NHSL2: variants seen among roughly 807,000 people sequenced by gnomAD.
The protein encoded by NHSL2 is NHS-like protein 2.
NHSL2 carries 27 observed loss-of-function variants against 53.4 expected under a neutral mutation model. The observed-to-expected ratio is 0.51, with a 90% CI of 0.37 to 0.70. NHSL2 has a LOEUF of 0.70. Ranked by LOEUF, NHSL2 falls within the 30% of genes least tolerant of loss-of-function variation. The pLI, the probability that NHSL2 is intolerant of heterozygous loss-of-function variation, is 0.00. For synonymous variants in NHSL2, 408 were observed against 404.1 expected (o/e 1.01, Z -0.12); for missense variants, 892 against 980.1 (o/e 0.91, Z 1.20).
rs1246450537 is a variant in NHSL2, at chrX:72,151,760, T to TCCACCCTTTC, written c.*8188_*8197dup. Reference sequence around the variant, plus strand: ...CTGTGGTTGGAGACTCCCACCCTTGTCCACCCTTTCCTGCCTCATACTAGT... The same window carrying TCCACCCTTTC: ...CTGTGGTTGGAGACTCCCACCCTTGTCCACCCTTTCCCACCCTTTCCTGCCTCATACTAGT... On this transcript the variant is annotated 3_prime_UTR_variant, in exon 8 of 8. Transcript: ENST00000633930. 35 of 112,201 alleles carry TCCACCCTTTC rather than the reference T, an allele frequency of 3.1e-4. No homozygotes were observed. The highest frequency in any genetic ancestry group is 6.2e-4 in the Non-Finnish European group (33 of 53,229). 9.2% of individuals were successfully genotyped at this position (112,201 alleles called of 1,213,427 possible).
At chrX:72,098,598 A>G (rs2147457240) in intron 1 of NHSL2, among the ~76,000 whole-genome samples, 1 of 109,079 alleles carries the variant, frequency 9.2e-6, no homozygotes, top group Non-Finnish European at 1.9e-5. Flanking sequence ...AAAAAAAAAG[A>G]AAGAGAGAAG....
At chrX:72,086,683 C>CAAAAAAAAAAAAA (rs34481140) in intron 1 of NHSL2, among the ~76,000 whole-genome samples, 1 of 22,484 alleles carries the variant, frequency 4.4e-5, no homozygotes, top group Non-Finnish European at 7.8e-5. Context: ...AACTCCATCT[C>CAAAAAAAAAAAAA]AAAAAAAAAA....
intron 1 of NHSL2, among the ~76,000 whole-genome samples, chrX:72,061,444 G>A (rs2042398724): frequency 1.8e-5 from 2 of 111,670 alleles, no homozygotes; most frequent in Non-Finnish European, 3.8e-5. Context: ...GCCTTCATGG[G>A]TATGATGGTG....
intron 1 of NHSL2, among the ~76,000 whole-genome samples, chrX:72,000,528 G>C (rs1346905290): frequency 8.9e-6 from 1 of 112,264 alleles, no homozygotes; most frequent in Non-Finnish European, 1.9e-5. Flanking sequence ...AGACGTCTGA[G>C]ATTGGTCTCA....
intron 1 of NHSL2, among the ~76,000 whole-genome samples, chrX:72,047,766 C>G (rs2042313049): frequency 9.0e-6 from 1 of 111,577 alleles, no homozygotes; most frequent in African/African-American, 3.3e-5. Context: ...GCTCCTAGGG[C>G]TAGCAGCCTT....
intron 5 of NHSL2, 87 bp from the exon 6 acceptor site, chrX:72,138,353 CT>C (rs1337616103): frequency 1.3e-6 from 1 of 757,417 alleles, no homozygotes; most frequent in African/African-American, 2.1e-5. Context: ...GCAAATGCTT[CT>C]TGGCAAAAAG....
chrX:72,104,040 A>G (rs922855491), intron 1 of NHSL2, among the ~76,000 whole-genome samples: 3 of 113,101 alleles, frequency 2.7e-5, no homozygotes, highest in African/African-American at 6.4e-5. Context: ...GAAAAAAATT[A>G]TAACTTTGTC....
chrX:72,130,527 A>C, intron 1 of NHSL2: 1 of 1,209,937 alleles, frequency 8.3e-7, no homozygotes, highest in Non-Finnish European at 1.1e-6. Flanking sequence ...CTTCATCTTC[A>C]CTTTCTTCCT....
intron 1 of NHSL2, among the ~76,000 whole-genome samples, chrX:72,020,673 C>A (rs2042155894): frequency 8.9e-6 from 1 of 112,500 alleles, no homozygotes; most frequent in African/African-American, 3.2e-5. Flanking sequence ...CAAAATAAAC[C>A]CATAACCCTA....
chrX:72,050,600 G>C (rs1173214803), intron 1 of NHSL2, among the ~76,000 whole-genome samples: 2 of 112,040 alleles, frequency 1.8e-5, no homozygotes, highest in Non-Finnish European at 3.8e-5. Context: ...TCTAGCAAAA[G>C]AAAACATTAC....
chrX:72,078,929 G>A (rs2147418134), intron 1 of NHSL2, among the ~76,000 whole-genome samples: 1 of 112,183 alleles, frequency 8.9e-6, no homozygotes, highest in East Asian at 2.8e-4. Context: ...AGATGGCTCT[G>A]GCCATGTGCG....
intron 1 of NHSL2, among the ~76,000 whole-genome samples, chrX:72,022,244 A>G (rs998119008): frequency 8.9e-6 from 1 of 111,962 alleles, no homozygotes; most frequent in Admixed American, 9.4e-5. Context: ...GATGAGGCCA[A>G]TAAATATTAT....
intron 1 of NHSL2, among the ~76,000 whole-genome samples, chrX:72,074,661 A>G (rs997915858): frequency 1.3e-4 from 15 of 112,879 alleles, no homozygotes; most frequent in Admixed American, 3.7e-4. Flanking sequence ...GGGAATGGCA[A>G]AATAAAGATG....
intron 5 of NHSL2, 69 bp from the exon 6 acceptor site, chrX:72,138,372 T>C: frequency 1.1e-6 from 1 of 918,802 alleles, no homozygotes; most frequent in East Asian, 3.5e-5. Context: ...AAGTTGGTGC[T>C]CCTGTCTCAA....
At position 72,145,804 on chromosome X, in the gene NHSL2, G is replaced by T. The variant is rs868300870; in HGVS notation, c.*2230G>T. On this transcript the variant is annotated 3_prime_UTR_variant, in exon 8 of 8. Transcript: ENST00000633930. ...AGTTTCTTGTTTACTACTTCTAATG[G>T]GTTTTGCCTCTCCCCTCACCTTGCT... is the stretch of plus-strand genomic sequence containing the variant. The T allele has an allele frequency of 8.9e-6, 1 of 111,996 alleles. No individual in the cohort carries two copies. The highest frequency in any genetic ancestry group is 1.9e-5 in the Non-Finnish European group (1 of 53,169). The allele number at this position is 111,996 out of a possible 1,213,427, so 9.2% of individuals were successfully genotyped here.
chrX:72,000,680 T>G (rs1446260760), intron 1 of NHSL2, among the ~76,000 whole-genome samples: 2 of 111,325 alleles, frequency 1.8e-5, no homozygotes, highest in Non-Finnish European at 3.8e-5. Context: ...CGAGTCTTTC[T>G]CACATCCCAT....
Position 72,140,492 on chromosome X carries a change from C to G in NHSL2, c.2944C>G (p.Pro982Ala). 8.3e-7 allele frequency: 1 copy of G among 1,210,401 alleles called. No homozygotes were observed. The highest frequency in any genetic ancestry group is 1.1e-6 in the Non-Finnish European group (1 of 894,776). Residue 982 changes from proline (P) to alanine (A), a missense_variant, in exon 6 of 8, where the codon CCT (proline) becomes GCT (alanine). Coordinates refer to ENST00000633930, the MANE Select transcript of NHSL2 (RefSeq NM_001013627.3). ...EDEGPKVRVL[P>A]ERISLQSQEE... ...CGAGGGCCCCAAGGTGAGGGTTCTG[C>G]CTGAAAGAATTAGCCTCCAGAGCCA...
In NHSL2 at chrX:72,123,789, A is replaced by G. The variant is rs570416454; in HGVS notation, c.281-8290A>G. Among the ~76,000 whole-genome samples the G allele has an allele frequency of 4.5e-5, 5 of 111,210 alleles. No homozygotes were observed. In the South Asian group the frequency reaches 1.9e-3, roughly 42 times the overall value. ...GAACAGCCCACTGCAAGAGCAGAAT[A>G]AAAAGCCTGGGCCCTACTTTCCCAC... On this transcript the variant is annotated intron_variant, in intron 1 of 7. Transcript: ENST00000633930.
chrX:72,063,966 C>T (rs1388997632), intron 1 of NHSL2, among the ~76,000 whole-genome samples: 1 of 110,801 alleles, frequency 9.0e-6, no homozygotes, highest in Non-Finnish European at 1.9e-5. Flanking sequence ...TCAGAGAAAG[C>T]TTCATGGGGG....
Sources: gnomAD v4.1 joint callset for allele counts (sites outside exome capture counted in the v4.1 genomes callset) on GRCh38, gnomAD v4.1.1 for gene constraint, MANE v1.5 for transcripts, NCBI Gene and HGNC (gene_info 2026-07-23, HGNC 2026-07-21) for gene names.